ROBO2: variants seen among roughly 807,000 people sequenced by gnomAD.
ROBO2 encodes roundabout guidance receptor 2.
Under a neutral mutation model 160.8 loss-of-function variants are expected in ROBO2, and 53 were observed. The ratio of observed to expected loss-of-function variants is 0.33; its 90% CI spans 0.26 to 0.41. The LOEUF (loss-of-function observed/expected upper bound fraction) is 0.41, where lower values mean the gene tolerates loss of function less well. Among genes scored for constraint, ROBO2 ranks in the 10% least tolerant of loss-of-function variants. The probability of loss-of-function intolerance (pLI) is 1.00; values close to 1 mark genes in which losing one functional copy is unlikely to be tolerated. For missense variants in ROBO2, 1,577 were observed against 1,722.4 expected (o/e 0.92, Z 1.49); for synonymous variants, 664 against 611.7 (o/e 1.09, Z -1.26).
intron 2 of ROBO2, among the ~76,000 whole-genome samples, chr3:76,300,786 C>A (rs950441047): frequency 3.3e-5 from 5 of 152,158 alleles, no homozygotes; most frequent in African/African-American, 9.6e-5. Flanking sequence ...AATGAATCGT[C>A]CCCATGGTCA....
intron 2 of ROBO2, among the ~76,000 whole-genome samples, chr3:76,838,642 A>G (rs1430907146): frequency 1.3e-5 from 2 of 152,094 alleles, no homozygotes; most frequent in Non-Finnish European, 2.9e-5. Flanking sequence ...TGGGCCTAGC[A>G]ACATTAAATC....
Position 76,805,123 on chromosome 3 carries a change from T to C in ROBO2, c.110-292891T>C, listed in dbSNP as rs187647221. On this transcript the variant is annotated intron_variant, in intron 2 of 26. Transcript: ENST00000487694. ...TAGTAGGCTCAGGGTAAATGTTTGT[T>C]AAATGAATAAGTAAACATTAGAGTT... Among the ~76,000 whole-genome samples the C allele has an allele frequency of 2.9e-3, 437 of 152,286 alleles. 18 individuals carry two copies. The highest frequency in any genetic ancestry group is 0.025 in the Admixed American group (388 of 15,284).
In ROBO2 at chr3:75,995,678, G is replaced by A. The variant is rs149647985; in HGVS notation, c.109+58076G>A. Among the ~76,000 whole-genome samples the A allele has an allele frequency of 1.7e-3, 258 of 152,136 alleles. 1 individual carries two copies. Among genetic ancestry groups the A allele is most frequent in the Non-Finnish European group, 2.9e-3 (197 of 67,984 alleles). On this transcript the variant is annotated intron_variant, in intron 2 of 26. Transcript: ENST00000487694. ...CAGACCCCAGAATGGTAGATCCACC[G>A]ATAGCTTGCACTGTGCACCAGGGAA...
At chr3:76,681,958 T>C (rs2092574433) in intron 2 of ROBO2, among the ~76,000 whole-genome samples, 1 of 152,132 alleles carries the variant, frequency 6.6e-6, no homozygotes, top group Non-Finnish European at 1.5e-5. Context: ...GTAAACTGAC[T>C]TGTCTGGAAT....
intron 2 of ROBO2, among the ~76,000 whole-genome samples, chr3:77,445,874 A>G (rs1003838108): frequency 2.7e-5 from 4 of 150,786 alleles, no homozygotes; most frequent in African/African-American, 4.9e-5. Context: ...CCATTTTGAA[A>G]CTGTGTCTAG....
intron 2 of ROBO2, among the ~76,000 whole-genome samples, chr3:76,006,304 A>G (rs928245755): frequency 2.0e-5 from 3 of 152,146 alleles, no homozygotes; most frequent in Non-Finnish European, 4.4e-5. Context: ...GAAATAAGTA[A>G]TACTGGATAG....
Position 77,082,731 on chromosome 3 carries a change from A to G in ROBO2, c.62-15283A>G, listed in dbSNP as rs373905143. On this transcript the variant is annotated intron_variant, in intron 1 of 25. Coordinates refer to ENST00000461745, the Ensembl canonical transcript of ROBO2. The stretch of plus-strand genomic sequence containing the variant: ...ATATATATATATATACACACACAAT[A>G]GTGTATTGTATGTACACTCTAGTAT... Among the ~76,000 whole-genome samples, 9 of 151,904 alleles carry G rather than the reference A, an allele frequency of 5.9e-5. No individual in the cohort carries two copies. The South Asian group carries it at 1.5e-3, about 25-fold the overall frequency.
rs189079752 is a variant in ROBO2, at chr3:77,370,360, A to G, written c.389-107054A>G. ...CTCCTTAGTAGCGTAAATGAACCTG[A>G]TCATCTCTCAGTATATTGATGAATA... On this transcript the variant is annotated intron_variant, in intron 2 of 25. Coordinates refer to ENST00000461745, the Ensembl canonical transcript of ROBO2. Among the ~76,000 whole-genome samples, 327 of 152,294 alleles carry G rather than the reference A, an allele frequency of 2.1e-3. 1 individual carries two copies. Among genetic ancestry groups the G allele is most frequent in the Non-Finnish European group, 3.0e-3 (207 of 68,036 alleles).
intron 2 of ROBO2, among the ~76,000 whole-genome samples, chr3:76,193,348 G>A (rs1014393482): frequency 6.6e-6 from 1 of 151,820 alleles, no homozygotes; most frequent in African/African-American, 2.4e-5. Flanking sequence ...TAAATTTGCT[G>A]TGTCCATATC....
At chr3:77,367,346 C>G (rs1451700978) in intron 2 of ROBO2, among the ~76,000 whole-genome samples, 1 of 152,048 alleles carries the variant, frequency 6.6e-6, no homozygotes, top group Non-Finnish European at 1.5e-5. Flanking sequence ...CAGCTGTTGA[C>G]TTTGCAAGTG....
At chr3:76,892,817 G>A (rs1048678020) in intron 2 of ROBO2, among the ~76,000 whole-genome samples, 6 of 152,262 alleles carry the variant, frequency 3.9e-5, no homozygotes, top group Admixed American at 3.9e-4. Context: ...CCAAGATGAA[G>A]ATTTCACACC....
At chr3:77,154,998 G>A (rs936403019) in intron 2 of ROBO2, among the ~76,000 whole-genome samples, 1 of 151,672 alleles carries the variant, frequency 6.6e-6, no homozygotes, top group Non-Finnish European at 1.5e-5. Context: ...AAACCTGCAC[G>A]TATACTCCCT....
chr3:77,607,865 T>C lies in ROBO2; in HGVS notation c.3204T>C (p.Thr1068=), dbSNP rs774533275. Residue 1068 remains threonine (T), a synonymous_variant, in exon 21 of 26, where the codon ACT becomes ACC. Transcript: ENST00000461745. Reference sequence around the variant, plus strand: ...AACCACAGAAAAACAATGGATCCACTTGGGCCAATGTCCCTCTACCTCCCC... The same window carrying C: ...AACCACAGAAAAACAATGGATCCACCTGGGCCAATGTCCCTCTACCTCCCC... The C allele has an allele frequency of 6.2e-7, 1 of 1,613,934 alleles. No homozygotes were observed. The highest frequency in any genetic ancestry group is 8.5e-7 in the Non-Finnish European group (1 of 1,179,880).
At chr3:76,261,203 T>TG (rs1706733594) in intron 2 of ROBO2, among the ~76,000 whole-genome samples, 2 of 63,798 alleles carry the variant, frequency 3.1e-5, no homozygotes, top group South Asian at 5.9e-4. Context: ...TGTGTGTGTG[T>TG]ATATATATAT....
chr3:76,213,356 A>C (rs1703273566), intron 2 of ROBO2, among the ~76,000 whole-genome samples: 1 of 152,176 alleles, frequency 6.6e-6, no homozygotes, highest in African/African-American at 2.4e-5. Flanking sequence ...AAGAAGTGTT[A>C]AGATAAACAA....
rs537675398 is a variant in ROBO2, at chr3:76,294,040, C to T, written c.109+356438C>T. On this transcript the variant is annotated intron_variant, in intron 2 of 26. Transcript: ENST00000487694. ...CAAAGTCCAGAGGGGGCCGAGGCAG[C>T]GTGGGACTGGTGTGTCAGCACTACC... Among the ~76,000 whole-genome samples the T allele has an allele frequency of 2.4e-4, 37 of 152,262 alleles. No individual in the cohort carries two copies. In the South Asian group the frequency reaches 4.8e-3, roughly 20 times the overall value.
At chr3:77,618,258 T>C (rs2094824609) in intron 22 of ROBO2, 1 of 165,602 alleles carries the variant, frequency 6.0e-6, no homozygotes, top group African/African-American at 2.4e-5. Context: ...TCAGTATTAG[T>C]TATTAAAAGA....
chr3:76,822,190 A>G (rs1473276804), intron 2 of ROBO2, among the ~76,000 whole-genome samples: 1 of 151,962 alleles, frequency 6.6e-6, no homozygotes, highest in Non-Finnish European at 1.5e-5. Flanking sequence ...GTAAAATAAT[A>G]TTTGTTACTT....
chr3:77,438,556 ACACACACACACG>A (rs1365374978), intron 2 of ROBO2, among the ~76,000 whole-genome samples: 3 of 124,670 alleles, frequency 2.4e-5, no homozygotes, highest in Non-Finnish European at 5.7e-5. Flanking sequence ...ACACACACAC[ACACACACACACG>A]CATATATGTG....
Sources: allele counts gnomAD v4.1 joint callset (sites outside exome capture counted in the v4.1 genomes callset), GRCh38; gene constraint gnomAD v4.1.1; transcripts MANE v1.5; gene names NCBI Gene and HGNC (gene_info 2026-07-23, HGNC 2026-07-21).